Variants in EPHB1 observed in about 807,000 individuals in gnomAD.
The protein encoded by EPHB1 is ephrin type-B receptor 1.
EPHB1 carries 30 observed loss-of-function variants against 94.4 expected under a neutral mutation model. That is an observed-to-expected ratio of 0.32 (90% CI 0.24 to 0.43). The LOEUF (loss-of-function observed/expected upper bound fraction) is 0.43. EPHB1 is among the 20% of genes least tolerant of loss of function. EPHB1 has a pLI of 1.00. For synonymous variants in EPHB1, 522 were observed against 489.1 expected, an observed-to-expected ratio of 1.07 and a Z score of -0.89; for missense variants, 1,055 against 1,308.3, an observed-to-expected ratio of 0.81 and a Z score of 2.99.
intron 12 of EPHB1, among the ~76,000 whole-genome samples, chr3:135,219,587 C>T (rs1943231078): frequency 6.6e-6 from 1 of 152,142 alleles, no homozygotes; most frequent in Admixed American, 6.5e-5. Flanking sequence ...TGATTTCAGA[C>T]TTGCAGCATA....
intron 3 of EPHB1, among the ~76,000 whole-genome samples, chr3:135,004,524 A>C: frequency 6.6e-6 from 1 of 152,256 alleles, no homozygotes; most frequent in East Asian, 1.9e-4. Flanking sequence ...AGATTTGGGA[A>C]GTTCTCCTGG....
intron 1 of EPHB1, among the ~76,000 whole-genome samples, chr3:134,871,371 C>T (rs911114040): frequency 6.6e-6 from 1 of 151,952 alleles, no homozygotes; most frequent in Non-Finnish European, 1.5e-5. Flanking sequence ...TGGGAGGGCA[C>T]CTGGGGTGAG....
At chr3:134,900,169 A>C (rs1321950372) in intron 1 of EPHB1, among the ~76,000 whole-genome samples, 1 of 152,142 alleles carries the variant, frequency 6.6e-6, no homozygotes, top group Non-Finnish European at 1.5e-5. Context: ...CTGGGGAGTC[A>C]TGGCAGGCAA....
chr3:135,224,340 C>G (rs1943344512), intron 12 of EPHB1, among the ~76,000 whole-genome samples: 1 of 152,158 alleles, frequency 6.6e-6, no homozygotes, highest in Non-Finnish European at 1.5e-5. Context: ...ATAAGACATT[C>G]CTCATTTGGC....
chr3:135,190,152 G>C (rs1053887296), intron 10 of EPHB1, among the ~76,000 whole-genome samples: 1 of 152,198 alleles, frequency 6.6e-6, no homozygotes, highest in African/African-American at 2.4e-5. Flanking sequence ...TTTTCCTTGT[G>C]CCTCAGTTTC....
At chr3:134,929,107 G>A (rs1007907367) in intron 2 of EPHB1, among the ~76,000 whole-genome samples, 4 of 152,204 alleles carry the variant, frequency 2.6e-5, no homozygotes, top group Admixed American at 2.0e-4. Flanking sequence ...CTTGGTAGAC[G>A]GAGGGAACAA....
At chr3:135,147,137 C>T (rs1263626429) in intron 5 of EPHB1, among the ~76,000 whole-genome samples, 1 of 152,170 alleles carries the variant, frequency 6.6e-6, no homozygotes, top group Non-Finnish European at 1.5e-5. Flanking sequence ...GACAACAGCC[C>T]TTCTTTATTT....
rs980730786 is a variant in EPHB1, at chr3:135,248,650, C to T, written c.2690+141C>T. 1.1e-5 allele frequency: 8 copies of T among 713,788 alleles called. No individual in the cohort carries two copies. In the African/African-American group the frequency reaches 1.4e-4, roughly 13 times the overall value. The allele number at this position is 713,788 out of a possible 1,614,324, so 44.2% of individuals were successfully genotyped here. ...GTGGGCCTTATGTTGAGGAGAGCAA[C>T]ATGCATGAAGAAAGACAGGAGAACA... On this transcript the variant is annotated intron_variant, in intron 14 of 15. Transcript: ENST00000398015.
chr3:135,201,751 G>C, intron 12 of EPHB1, 62 bp downstream of exon 12: 3 of 1,504,484 alleles, frequency 2.0e-6, no homozygotes, highest in Non-Finnish European at 2.7e-6. Flanking sequence ...ACTCTACATG[G>C]CTGGGAACTG....
intron 1 of EPHB1, among the ~76,000 whole-genome samples, chr3:134,853,404 A>G (rs1322969682): frequency 1.3e-5 from 2 of 152,230 alleles, no homozygotes; most frequent in Non-Finnish European, 2.9e-5. Context: ...GAAGTGGCAG[A>G]CATGTTTTGG....
At chr3:135,130,125 A>C (rs909292885) in intron 4 of EPHB1, among the ~76,000 whole-genome samples, 3 of 152,190 alleles carry the variant, frequency 2.0e-5, no homozygotes, top group Non-Finnish European at 2.9e-5. Context: ...ATGCAGAAGC[A>C]ATGTTGGAGA....
chr3:135,139,487 G>T (rs182281999), intron 5 of EPHB1, among the ~76,000 whole-genome samples: 1 of 152,186 alleles, frequency 6.6e-6, no homozygotes, highest in African/African-American at 2.4e-5. Context: ...TCGCCTACTC[G>T]TCAAATATTT....
intron 3 of EPHB1, among the ~76,000 whole-genome samples, chr3:134,963,178 CTTCCTTCT>C (rs1933597061): frequency 7.4e-6 from 1 of 134,666 alleles, no homozygotes; most frequent in East Asian, 2.0e-4. Context: ...TCCTTCCTTC[CTTCCTTCT>C]TCCTTCTTCT....
At chr3:134,877,404 A>G (rs2037638577) in intron 1 of EPHB1, among the ~76,000 whole-genome samples, 2 of 152,190 alleles carry the variant, frequency 1.3e-5, no homozygotes, top group Admixed American at 1.3e-4. Flanking sequence ...CCCCCACAGC[A>G]GGGTCAGCCC....
intron 9 of EPHB1, among the ~76,000 whole-genome samples, 158 bp downstream of exon 9, chr3:135,167,164 G>A (rs984949949): frequency 3.9e-5 from 6 of 152,136 alleles, no homozygotes; most frequent in Non-Finnish European, 8.8e-5. Flanking sequence ...GGTCCCCAGG[G>A]GCAACAGGCT....
chr3:135,030,520 CCCAG>C (rs1170816384), intron 3 of EPHB1, among the ~76,000 whole-genome samples: 1 of 152,196 alleles, frequency 6.6e-6, no homozygotes, highest in Non-Finnish European at 1.5e-5. Context: ...GAGGGTGCCT[CCCAG>C]TTAGGCTGGT....
intron 3 of EPHB1, among the ~76,000 whole-genome samples, chr3:134,984,693 C>T (rs1934531932): frequency 6.6e-6 from 1 of 152,130 alleles, no homozygotes; most frequent in Non-Finnish European, 1.5e-5. Context: ...TCAGAGCTCC[C>T]AGCCTAGGAA....
chr3:135,128,185 TTTTC>T (rs1319033623), intron 4 of EPHB1, among the ~76,000 whole-genome samples: 5 of 152,194 alleles, frequency 3.3e-5, no homozygotes, highest in Non-Finnish European at 5.9e-5. Flanking sequence ...AGATGGCAGA[TTTTC>T]TTTCTCTGTT....
intron 3 of EPHB1, among the ~76,000 whole-genome samples, chr3:135,074,350 A>G (rs561648826): frequency 6.6e-6 from 1 of 152,340 alleles, no homozygotes; most frequent in Non-Finnish European, 1.5e-5. Context: ...AATTGAATAA[A>G]TGCAAGTTTA....
Sources: allele counts gnomAD v4.1 joint callset (sites outside exome capture counted in the v4.1 genomes callset), GRCh38; gene constraint gnomAD v4.1.1; transcripts MANE v1.5; gene names NCBI Gene and HGNC (gene_info 2026-07-23, HGNC 2026-07-21).